Variants in SEMA3A observed in about 807,000 individuals in gnomAD.
The protein encoded by SEMA3A is semaphorin 3A.
In SEMA3A, 29 loss-of-function variants were observed where a neutral mutation model predicts 97.9. That is an observed-to-expected ratio of 0.30 (90% CI 0.22 to 0.40). The LOEUF is 0.40. SEMA3A is among the 10% of genes least tolerant of loss of function. The pLI is 1.00. For synonymous variants in SEMA3A, 321 were observed against 323.7 expected, an observed-to-expected ratio of 0.99 and a Z score of 0.09; for missense variants, 763 against 951.3, an observed-to-expected ratio of 0.80 and a Z score of 2.60.
intron 2 of SEMA3A, among the ~76,000 whole-genome samples, chr7:84,345,038 G>A (rs997455665): frequency 2.6e-5 from 4 of 152,042 alleles, no homozygotes; most frequent in African/African-American, 7.2e-5. Context: ...CTATACCAAA[G>A]AATATACAGG....
chr7:84,008,369 T>C (rs1717307534), intron 9 of SEMA3A, among the ~76,000 whole-genome samples: 1 of 151,480 alleles, frequency 6.6e-6, no homozygotes, highest in African/African-American at 2.4e-5. Context: ...CGGGTGGCTG[T>C]AGTCCCAGCT....
chr7:84,438,996 T>C (rs1250911779), intron 1 of SEMA3A, among the ~76,000 whole-genome samples: 1 of 151,832 alleles, frequency 6.6e-6, no homozygotes. Flanking sequence ...GGCATTTACT[T>C]CATGGACTGT....
chr7:84,403,666 C>T (rs1292254256), intron 1 of SEMA3A, among the ~76,000 whole-genome samples: 1 of 152,160 alleles, frequency 6.6e-6, no homozygotes, highest in Non-Finnish European at 1.5e-5. Flanking sequence ...ACTGACACCT[C>T]ACACAGCCGG....
In SEMA3A at chr7:83,961,470, A is replaced by G. The variant is rs746243534; in HGVS notation, c.2217T>C (p.His739=). ...DRKQRRQRPG[H]TPGNSNKWKH... The stretch of plus-strand genomic sequence containing the variant: ...TCCATTTGTTACTGTTCCCTGGGGT[A>G]TGTCCTGGCCTTTGCCGACGTTGTT... Residue 739 remains histidine (H), a synonymous_variant, in exon 17 of 17, where the codon CAT becomes CAC. Transcript: ENST00000265362. 4.3e-6 allele frequency: 7 copies of G among 1,613,848 alleles called. No homozygotes were observed. The highest frequency in any genetic ancestry group is 2.7e-5 in the African/African-American group (2 of 74,876).
chr7:84,136,159 C>T (rs1442386712), intron 1 of SEMA3A, among the ~76,000 whole-genome samples: 1 of 152,074 alleles, frequency 6.6e-6, no homozygotes, highest in East Asian at 1.9e-4. Context: ...CGGGTGCACA[C>T]TTAGTAGGAA....
Position 84,284,069 on chromosome 7 carries a change from C to T in SEMA3A, c.-83+23138G>A, listed in dbSNP as rs150548893. ...ATGAAGCTGTTATGGTTATCAACAT[C>T]ATGTCTGAAAATGACCTTTTTGATT... On this transcript the variant is annotated intron_variant, in intron 3 of 3. Transcript: ENST00000424555. 2.9e-3 allele frequency among the ~76,000 whole-genome samples: 435 copies of T among 152,180 alleles called. 3 individuals carry two copies. The highest frequency in any genetic ancestry group is 0.01 in the African/African-American group (418 of 41,550).
chr7:84,160,384 TA>T (rs910386528), intron 1 of SEMA3A, among the ~76,000 whole-genome samples: 2 of 151,326 alleles, frequency 1.3e-5, no homozygotes, highest in African/African-American at 2.4e-5. Context: ...ACCCCGTCTC[TA>T]AAAAAAATAC....
intron 6 of SEMA3A, among the ~76,000 whole-genome samples, chr7:84,030,274 G>T (rs1203568243): frequency 6.6e-6 from 1 of 152,010 alleles, no homozygotes; most frequent in African/African-American, 2.4e-5. Flanking sequence ...TCTCTTTAAA[G>T]GGAAAATTGG....
At chr7:84,285,521 G>T (rs1386874069) in intron 3 of SEMA3A, among the ~76,000 whole-genome samples, 3 of 152,066 alleles carry the variant, frequency 2.0e-5, no homozygotes, top group African/African-American at 7.2e-5. Flanking sequence ...GTAAAGGCTG[G>T]TGATGCCAAC....
intron 1 of SEMA3A, among the ~76,000 whole-genome samples, chr7:84,476,273 C>G (rs1382907844): frequency 2.0e-5 from 3 of 151,486 alleles, no homozygotes; most frequent in East Asian, 2.0e-4. Flanking sequence ...GCAGGAGAAT[C>G]GCTTCAACCC....
intron 3 of SEMA3A, among the ~76,000 whole-genome samples, chr7:84,279,956 G>C (rs1800396459): frequency 6.6e-6 from 1 of 152,006 alleles, no homozygotes; most frequent in Non-Finnish European, 1.5e-5. Context: ...AGAGTGCAGT[G>C]GTGTGACCAC....
chr7:84,402,504 C>T (rs1467843704), intron 1 of SEMA3A, among the ~76,000 whole-genome samples: 1 of 152,042 alleles, frequency 6.6e-6, no homozygotes, highest in Non-Finnish European at 1.5e-5. Context: ...GTATGTATCC[C>T]AAAGAAAGGA....
chr7:84,077,512 A>AT (rs1336193304), intron 4 of SEMA3A, among the ~76,000 whole-genome samples: 1 of 151,990 alleles, frequency 6.6e-6, no homozygotes, highest in African/African-American at 2.4e-5. Flanking sequence ...ACATTTCAAG[A>AT]TTTTTTTCAG....
At chr7:84,460,978 CA>C (rs1805823111) in intron 1 of SEMA3A, among the ~76,000 whole-genome samples, 1 of 152,124 alleles carries the variant, frequency 6.6e-6, no homozygotes. Context: ...AGATAATTCC[CA>C]AAACATGCAG....
At position 83,981,329 on chromosome 7, in the gene SEMA3A, A is replaced by C; in HGVS notation, c.1644T>G (p.Thr548=). ...DGSACSRYFP[T]AKRRTRRQDI... ...TTGAATATTTTTCCTACCTCTTTGC[A>C]GTGGGAAAATAGCGAGAACATGCAG... The change falls in exon 14 of 17, where the codon ACT becomes ACG. Residue 548 remains threonine, a synonymous_variant. Transcript: ENST00000265362. 1 of 1,613,908 alleles carries C rather than the reference A, an allele frequency of 6.2e-7. No individual in the cohort carries two copies. The highest frequency in any genetic ancestry group is 8.5e-7 in the Non-Finnish European group (1 of 1,179,864).
At chr7:83,998,215 T>C (rs1224347628) in intron 12 of SEMA3A, among the ~76,000 whole-genome samples, 2 of 152,174 alleles carry the variant, frequency 1.3e-5, no homozygotes, top group African/African-American at 4.8e-5. Context: ...GATTTTGTCA[T>C]TGTGCGAAAA....
intron 1 of SEMA3A, 51 bp downstream of exon 1, chr7:84,194,424 G>T (rs752990019): frequency 5.5e-5 from 67 of 1,228,408 alleles, no homozygotes; most frequent in East Asian, 4.7e-4. Context: ...GGAATTAAGG[G>T]GGGGGGCGGT....
At chr7:84,011,563 A>T (rs981593106) in intron 7 of SEMA3A, among the ~76,000 whole-genome samples, 1 of 152,162 alleles carries the variant, frequency 6.6e-6, no homozygotes, top group Non-Finnish European at 1.5e-5. Flanking sequence ...TTATAAAGTC[A>T]ATTCATGTTC....
chr7:84,374,011 A>G (rs1803038799), intron 1 of SEMA3A, among the ~76,000 whole-genome samples: 1 of 152,182 alleles, frequency 6.6e-6, no homozygotes, highest in Admixed American at 6.6e-5. Flanking sequence ...CAGCTAAAAG[A>G]GTCATTGAAA....
Sources: allele counts gnomAD v4.1 joint callset (sites outside exome capture counted in the v4.1 genomes callset), GRCh38; gene constraint gnomAD v4.1.1; transcripts MANE v1.5; gene names NCBI Gene and HGNC (gene_info 2026-07-23, HGNC 2026-07-21).